Variants in LINGO2 observed in about 807,000 individuals in gnomAD.
The protein encoded by LINGO2 is leucine rich repeat and Ig domain containing 2.
Under a neutral mutation model 30.6 loss-of-function variants are expected in LINGO2, and 14 were observed. The observed-to-expected ratio is 0.46, with a 90% CI of 0.30 to 0.72. The LOEUF is 0.72. LINGO2 is among the 30% of genes least tolerant of loss of function. The pLI, the probability that LINGO2 is intolerant of heterozygous loss-of-function variation, is 0.07. For synonymous variants in LINGO2, 317 were observed against 288.5 expected, an observed-to-expected ratio of 1.10 and a Z score of -1.00; for missense variants, 729 against 751.7, an observed-to-expected ratio of 0.97 and a Z score of 0.35.
At chr9:28,750,970 C>A in the LINGO2 span, among the ~76,000 whole-genome samples, 4 of 151,640 alleles carry the variant, frequency 2.6e-5, no homozygotes, top group Non-Finnish European at 5.9e-5. Context: ...TTGCTCAGGA[C>A]AAAGAGGTTG....
chr9:28,433,949 C>CTCTCTCTATATATATATATATATATATA (rs1225323260), intron 2 of LINGO2, among the ~76,000 whole-genome samples: 2 of 88,534 alleles, frequency 2.3e-5, no homozygotes, highest in African/African-American at 9.0e-5. Flanking sequence ...CTCTCTCTCT[C>CTCTCTCTATATATATATATATATATATA]TATATATATA....
the LINGO2 span, among the ~76,000 whole-genome samples, chr9:28,958,529 G>A: frequency 2.6e-5 from 4 of 152,110 alleles, no homozygotes; most frequent in Non-Finnish European, 5.9e-5. Context: ...TCCAGTGTAA[G>A]GGGAATGTTT....
intron 2 of LINGO2, among the ~76,000 whole-genome samples, chr9:28,393,408 G>C (rs564524330): frequency 2.6e-5 from 4 of 152,252 alleles, no homozygotes; most frequent in Non-Finnish European, 5.9e-5. Flanking sequence ...CTGAAAGAGA[G>C]TTATTAAGCT....
intron 1 of LINGO2, among the ~76,000 whole-genome samples, chr9:28,543,817 G>A (rs1821813186): frequency 6.6e-6 from 1 of 152,174 alleles, no homozygotes; most frequent in Non-Finnish European, 1.5e-5. Context: ...AATGTGAAAG[G>A]AGGGGGTTAG....
the LINGO2 span, among the ~76,000 whole-genome samples, chr9:29,093,029 G>GTGTATA: frequency 5.1e-5 from 5 of 98,544 alleles, no homozygotes; most frequent in African/African-American, 2.0e-4. Flanking sequence ...TAATGTGTGT[G>GTGTATA]TATATATATA....
At chr9:28,037,990 TAC>T (rs767067779) in intron 4 of LINGO2, among the ~76,000 whole-genome samples, 41 of 152,324 alleles carry the variant, frequency 2.7e-4, no homozygotes, top group Middle Eastern at 6.8e-3. Flanking sequence ...TTCCCAGGAT[TAC>T]ACAGTGAATA....
intron 2 of LINGO2, among the ~76,000 whole-genome samples, chr9:28,436,389 C>T (rs1271703007): frequency 6.6e-6 from 1 of 151,830 alleles, no homozygotes; most frequent in African/African-American, 2.4e-5. Context: ...GGAAATGGGA[C>T]AGTCTGTTTG....
At chr9:28,877,008 T>C in the LINGO2 span, among the ~76,000 whole-genome samples, 1 of 152,198 alleles carries the variant, frequency 6.6e-6, no homozygotes, top group Non-Finnish European at 1.5e-5. Flanking sequence ...CCAGTGATGG[T>C]AACCATTTTT....
chr9:28,071,998 G>C (rs770078388), intron 4 of LINGO2, among the ~76,000 whole-genome samples: 18 of 152,130 alleles, frequency 1.2e-4, no homozygotes, highest in African/African-American at 2.2e-4. Context: ...CGTCTGGTTA[G>C]AGCAAAGATT....
exon 6 of LINGO2, chr9:27,948,744 C>G: frequency 2.3e-6 from 3 of 1,298,914 alleles, no homozygotes; most frequent in Non-Finnish European, 3.2e-6. Flanking sequence ...GCTTTTGATA[C>G]AGGGGCAGCT....
chr9:28,004,625 T>C (rs1822166937), intron 5 of LINGO2, among the ~76,000 whole-genome samples: 1 of 143,276 alleles, frequency 7.0e-6, no homozygotes, highest in Non-Finnish European at 1.5e-5. Context: ...GTGTGATAAG[T>C]AGTTTTTTTT....
Position 28,351,443 on chromosome 9 carries a change from A to G in LINGO2, c.-246+21393T>C, listed in dbSNP as rs547739659. On this transcript the variant is annotated intron_variant, in intron 3 of 5. Coordinates refer to ENST00000379992, the Ensembl canonical transcript of LINGO2. ...TCGACACATACGCTCTCCCAAGACT[A>G]AACCAGGAAGAAGTTGAATCCCTGA... 5.4e-3 allele frequency among the ~76,000 whole-genome samples: 823 copies of G among 151,896 alleles called. 8 individuals carry two copies. Among genetic ancestry groups the G allele is most frequent in the African/African-American group, 0.019 (786 of 41,264 alleles).
At chr9:28,592,884 T>C (rs191388752) in intron 1 of LINGO2, among the ~76,000 whole-genome samples, 12 of 152,172 alleles carry the variant, frequency 7.9e-5, no homozygotes, top group Non-Finnish European at 1.8e-4. Context: ...CCCTCTTTCA[T>C]TGTCCCCAAT....
chr9:28,566,359 T>C (rs1366973799), intron 1 of LINGO2, among the ~76,000 whole-genome samples: 2 of 152,182 alleles, frequency 1.3e-5, no homozygotes, highest in African/African-American at 4.8e-5. Flanking sequence ...CCCAAGTTCA[T>C]ACAGTCAGTA....
At chr9:28,636,937 G>C (rs1827309846) in intron 1 of LINGO2, among the ~76,000 whole-genome samples, 1 of 152,136 alleles carries the variant, frequency 6.6e-6, no homozygotes, top group South Asian at 2.1e-4. Context: ...TTTTCTTCTA[G>C]GGTTTTTATG....
At position 28,356,323 on chromosome 9, in the gene LINGO2, C is replaced by T. The variant is rs529553565; in HGVS notation, c.-246+16513G>A. On this transcript the variant is annotated intron_variant, in intron 3 of 5. Coordinates refer to ENST00000379992, the Ensembl canonical transcript of LINGO2. Reference sequence around the variant, plus strand: ...TCCCTTTGTATTTTGAAAGACATGACCTCCTAGGTTTGTAGACCCATACCC... The same window carrying T: ...TCCCTTTGTATTTTGAAAGACATGATCTCCTAGGTTTGTAGACCCATACCC... 5.8e-4 allele frequency among the ~76,000 whole-genome samples: 88 copies of T among 152,142 alleles called. 1 individual carries two copies. In the South Asian group the frequency reaches 0.017, roughly 30 times the overall value.
At chr9:28,024,856 C>T (rs1587713615) in intron 4 of LINGO2, among the ~76,000 whole-genome samples, 1 of 152,244 alleles carries the variant, frequency 6.6e-6, no homozygotes, top group Admixed American at 6.5e-5. Context: ...TGAGCAGTAT[C>T]TCCCCAGCCG....
At chr9:28,189,700 G>GAA (rs1305077337) in intron 4 of LINGO2, among the ~76,000 whole-genome samples, 8 of 87,006 alleles carry the variant, frequency 9.2e-5, no homozygotes, top group African/African-American at 1.2e-4. Flanking sequence ...AGGAAGGGAG[G>GAA]GAGGAAGGAA....
the LINGO2 span, among the ~76,000 whole-genome samples, chr9:28,747,628 C>T: frequency 6.6e-6 from 1 of 152,218 alleles, no homozygotes; most frequent in South Asian, 2.1e-4. Flanking sequence ...TCTGCATGCT[C>T]CCTCTCCCAT....
Sources: allele counts gnomAD v4.1 joint callset (sites outside exome capture counted in the v4.1 genomes callset), GRCh38; gene constraint gnomAD v4.1.1; transcripts MANE v1.5; gene names NCBI Gene and HGNC (gene_info 2026-07-23, HGNC 2026-07-21).